CTNNA2: variants seen among roughly 807,000 people sequenced by gnomAD.
CTNNA2 encodes the protein catenin alpha-2.
A neutral mutation model predicts 101.0 loss-of-function variants in CTNNA2; 42 were observed. The observed-to-expected ratio is 0.42, with a 90% CI of 0.32 to 0.54. The LOEUF is 0.54. Ranked by LOEUF, CTNNA2 falls within the 20% of genes least tolerant of loss-of-function variation. The pLI is 0.14. For missense variants in CTNNA2, 871 were observed against 1,223.1 expected, an observed-to-expected ratio of 0.71 and a Z score of 4.29; for synonymous variants, 450 against 456.4, an observed-to-expected ratio of 0.99 and a Z score of 0.18.
chr2:80,427,619 A>G (rs1339452573), intron 9 of CTNNA2, among the ~76,000 whole-genome samples: 2 of 152,222 alleles, frequency 1.3e-5, no homozygotes, highest in African/African-American at 4.8e-5. Flanking sequence ...TACTCCTGAT[A>G]GCAGTGCCCC....
intron 9 of CTNNA2, among the ~76,000 whole-genome samples, chr2:80,511,851 G>C (rs1012996252): frequency 6.6e-6 from 1 of 151,938 alleles, no homozygotes; most frequent in Non-Finnish European, 1.5e-5. Context: ...AAATCACTTC[G>C]TTAAAAGTAT....
chr2:79,928,097 T>C (rs1687150087), intron 7 of CTNNA2, among the ~76,000 whole-genome samples: 2 of 152,222 alleles, frequency 1.3e-5, no homozygotes, highest in South Asian at 4.1e-4. Flanking sequence ...ACAGGTATTC[T>C]TTAATTGTAC....
chr2:79,809,588 T>C (rs1676848106), intron 3 of CTNNA2, among the ~76,000 whole-genome samples: 1 of 152,190 alleles, frequency 6.6e-6, no homozygotes, highest in Non-Finnish European at 1.5e-5. Context: ...AAATGTCTTC[T>C]TTTGAGAAGT....
chr2:79,850,813 G>A (rs1342339628), intron 3 of CTNNA2, among the ~76,000 whole-genome samples: 7 of 152,178 alleles, frequency 4.6e-5, no homozygotes, highest in Non-Finnish European at 1.5e-5. Flanking sequence ...TAAGCTCTTT[G>A]AGCAGAACTT....
intron 4 of CTNNA2, among the ~76,000 whole-genome samples, chr2:79,504,560 G>A (rs533764066): frequency 1.3e-5 from 2 of 152,218 alleles, no homozygotes; most frequent in East Asian, 1.9e-4. Flanking sequence ...AAAGTGCTGC[G>A]ATTACATCCG....
chr2:79,976,194 A>G (rs1431257126), intron 7 of CTNNA2, among the ~76,000 whole-genome samples: 2 of 152,200 alleles, frequency 1.3e-5, no homozygotes, highest in African/African-American at 4.8e-5. Context: ...AGCTTTTCTA[A>G]TCTGTGGGCA....
intron 13 of CTNNA2, among the ~76,000 whole-genome samples, chr2:80,574,559 T>G (rs1468945347): frequency 1.3e-5 from 2 of 152,188 alleles, no homozygotes; most frequent in Non-Finnish European, 2.9e-5. Context: ...CATTACTTCC[T>G]CAGTTTCATA....
chr2:79,994,708 C>G (rs1692423572), intron 7 of CTNNA2, among the ~76,000 whole-genome samples: 1 of 149,282 alleles, frequency 6.7e-6, no homozygotes. Flanking sequence ...ATGAAAAATG[C>G]AAAAAAAAAG....
intron 3 of CTNNA2, among the ~76,000 whole-genome samples, chr2:79,833,631 A>G (rs1220268223): frequency 6.6e-6 from 1 of 152,134 alleles, no homozygotes; most frequent in Non-Finnish European, 1.5e-5. Flanking sequence ...ATGCCACACA[A>G]AAAGCCAATG....
chr2:80,115,807 A>G (rs1372518275), intron 7 of CTNNA2, among the ~76,000 whole-genome samples: 2 of 152,170 alleles, frequency 1.3e-5, no homozygotes, highest in Non-Finnish European at 2.9e-5. Context: ...ATGAAAAAAG[A>G]TGAGGGCAAT....
At chr2:79,955,424 C>T (rs1461033817) in intron 7 of CTNNA2, among the ~76,000 whole-genome samples, 1 of 152,122 alleles carries the variant, frequency 6.6e-6, no homozygotes, top group Non-Finnish European at 1.5e-5. Flanking sequence ...TTCATGATAC[C>T]CGTGTCCTCA....
At chr2:79,358,592 C>A (rs751908668) in intron 3 of CTNNA2, among the ~76,000 whole-genome samples, 1 of 152,090 alleles carries the variant, frequency 6.6e-6, no homozygotes, top group Non-Finnish European at 1.5e-5. Flanking sequence ...AACAAAGAAC[C>A]TAAAAAGGAG....
At chr2:79,661,928 A>G (rs1268513878) in intron 2 of CTNNA2, among the ~76,000 whole-genome samples, 1 of 151,974 alleles carries the variant, frequency 6.6e-6, no homozygotes, top group East Asian at 1.9e-4. Context: ...GCTCCTAAGG[A>G]AAATGTGGAC....
chr2:79,428,436 T>C (rs1356358998), intron 4 of CTNNA2, among the ~76,000 whole-genome samples: 1 of 152,104 alleles, frequency 6.6e-6, no homozygotes, highest in East Asian at 1.9e-4. Flanking sequence ...CTGGAACATC[T>C]AGTAGTCACT....
intron 3 of CTNNA2, among the ~76,000 whole-genome samples, chr2:79,850,411 T>TTCTCTCCCTCCC (rs1391200679): frequency 1.9e-5 from 2 of 105,822 alleles, no homozygotes; most frequent in South Asian, 3.6e-4. Flanking sequence ...CCCTTTCTCC[T>TTCTCTCCCTCCC]TCTCTCCCTC....
At chr2:79,881,696 G>A (rs1332774370) in intron 6 of CTNNA2, among the ~76,000 whole-genome samples, 2 of 151,428 alleles carry the variant, frequency 1.3e-5, no homozygotes, top group South Asian at 2.1e-4. Flanking sequence ...GAGCCTATGT[G>A]TGTCTTTGCA....
At chr2:80,189,409 G>C (rs1706332055) in intron 7 of CTNNA2, among the ~76,000 whole-genome samples, 2 of 152,222 alleles carry the variant, frequency 1.3e-5, no homozygotes, top group African/African-American at 4.8e-5. Context: ...AGCCACAAGA[G>C]AAGTTGGAGT....
intron 9 of CTNNA2, among the ~76,000 whole-genome samples, chr2:80,493,024 T>A (rs575481766): frequency 2.0e-4 from 30 of 152,290 alleles, no homozygotes; most frequent in Non-Finnish European, 5.9e-5. Flanking sequence ...AGTGGAATGG[T>A]ACATAGCAGC....
chr2:80,443,606 G>A (rs555563325), intron 9 of CTNNA2, among the ~76,000 whole-genome samples: 1 of 152,256 alleles, frequency 6.6e-6, no homozygotes, highest in Non-Finnish European at 1.5e-5. Context: ...GAATGCCCTG[G>A]AATTGGGCTC....
Sources: gnomAD v4.1 joint callset for allele counts (sites outside exome capture counted in the v4.1 genomes callset) on GRCh38, gnomAD v4.1.1 for gene constraint, MANE v1.5 for transcripts, NCBI Gene and HGNC (gene_info 2026-07-23, HGNC 2026-07-21) for gene names.